The following NALF2 variants were observed in gnomAD, a reference collection of about 807,000 sequenced individuals.
NALF2 encodes NALCN channel auxiliary factor 2.
Under a neutral mutation model 24.8 loss-of-function variants are expected in NALF2, and 1 was observed. The ratio of observed to expected loss-of-function variants is 0.04; its 90% CI spans 0.01 to 0.19. The LOEUF is 0.19. Ranked by LOEUF, NALF2 falls within the 10% of genes least tolerant of loss-of-function variation. The pLI is 1.00. For missense variants in NALF2, 458 were observed against 409.6 expected, an observed-to-expected ratio of 1.12 and a Z score of -1.02; for synonymous variants, 254 against 189.8, an observed-to-expected ratio of 1.34 and a Z score of -2.78.
intron 1 of NALF2, among the ~76,000 whole-genome samples, chrX:69,511,069 G>A (rs1364992745): frequency 1.8e-5 from 2 of 109,275 alleles, no homozygotes; most frequent in African/African-American, 3.4e-5. Context: ...ATCACCCTAC[G>A]CTCTTCCTAA....
chrX:69,520,769 C>G (rs1237775754), intron 1 of NALF2, among the ~76,000 whole-genome samples: 1 of 111,940 alleles, frequency 8.9e-6, no homozygotes, highest in Non-Finnish European at 1.9e-5. Flanking sequence ...GGATCTCTCC[C>G]TCTCTCTCAT....
Position 69,531,436 on chromosome X carries a change from G to C in NALF2, c.*1480G>C, listed in dbSNP as rs1930902736. On this transcript the variant is annotated 3_prime_UTR_variant, in exon 3 of 3. Transcript: ENST00000252338. ...TGGGGAGTAGGGGGGATCCCACATT[G>C]CCTGGGACATCTGAATGCTGATACG... is the stretch of plus-strand genomic sequence containing the variant. The C allele has an allele frequency of 8.9e-6, 1 of 112,290 alleles. No homozygotes were observed. Among genetic ancestry groups the C allele is most frequent in the African/African-American group, 3.2e-5 (1 of 30,771 alleles). The allele number at this position is 112,290 out of a possible 1,213,427, so 9.3% of individuals were successfully genotyped here.
chrX:69,524,100 C>CTTT (rs1202940165), intron 1 of NALF2, among the ~76,000 whole-genome samples: 3 of 93,924 alleles, frequency 3.2e-5, no homozygotes, highest in East Asian at 3.3e-4. Context: ...TATTTTTTTT[C>CTTT]TTTTTTTTTT....
At chrX:69,511,443 T>C (rs995108929) in intron 1 of NALF2, among the ~76,000 whole-genome samples, 3 of 111,799 alleles carry the variant, frequency 2.7e-5, no homozygotes, top group African/African-American at 9.8e-5. Context: ...CTCTGCTCTC[T>C]TTCTCCCACT....
At chrX:69,529,424 T>C in intron 2 of NALF2, 147 bp from the exon 3 acceptor site, 1 of 1,006,421 alleles carries the variant, frequency 9.9e-7, no homozygotes, top group Non-Finnish European at 1.3e-6. Context: ...AAAGAAGGGC[T>C]CAGAAAGGGC....
Position 69,505,578 on chromosome X carries a change from T to TGCCGCC in NALF2, c.306_311dup (p.Pro103_Pro104dup), listed in dbSNP as rs745694479. 38 of 1,010,068 alleles carry TGCCGCC rather than the reference T, an allele frequency of 3.8e-5. No homozygotes were observed. Among genetic ancestry groups the TGCCGCC allele is most frequent in the South Asian group, 2.6e-4 (8 of 30,454 alleles). 83.2% of individuals were successfully genotyped at this position (1,010,068 alleles called of 1,213,427 possible). Reference sequence around the variant, plus strand: ...GTGCCTCCTCGCGCGGTGCTGCCGCTGCCGCCGCCGCCGCCCGGCGAGCCC... The same window carrying TGCCGCC: ...GTGCCTCCTCGCGCGGTGCTGCCGCTGCCGCCGCCGCCGCCGCCGCCCGGCGAGCCC... On this transcript the variant is annotated inframe_insertion, in exon 1 of 3. Transcript: ENST00000252338.
At chrX:69,506,355 T>A (rs142818840) in intron 1 of NALF2, among the ~76,000 whole-genome samples, 237 of 112,668 alleles carry the variant, frequency 2.1e-3, no homozygotes, top group African/African-American at 7.2e-3. Context: ...TTCTATTAAT[T>A]CCGGGTTTGG....
chrX:69,505,251 C>A lies in NALF2; in HGVS notation c.-32C>A. 8.9e-7 allele frequency: 1 copy of A among 1,124,256 alleles called. No homozygotes were observed. Among genetic ancestry groups the A allele is most frequent in the South Asian group, 2.1e-5 (1 of 48,038 alleles). The allele number at this position is 1,124,256 out of a possible 1,213,427, so 92.7% of individuals were successfully genotyped here. On this transcript the variant is annotated 5_prime_UTR_variant, in exon 1 of 3. Transcript: ENST00000252338. ...AGACGGCCGTCTGGCCTCGCGCCTG[C>A]CTGTTCCCTCCAGCCCGGACCCCCC...
At chrX:69,513,883 ACT>A (rs1245772639) in intron 1 of NALF2, among the ~76,000 whole-genome samples, 1 of 111,060 alleles carries the variant, frequency 9.0e-6, no homozygotes, top group Non-Finnish European at 1.9e-5. Flanking sequence ...CCAAACAGAA[ACT>A]CTGTGCCCAT....
At chrX:69,514,092 A>AGAG (rs942817776) in intron 1 of NALF2, among the ~76,000 whole-genome samples, 2 of 109,994 alleles carry the variant, frequency 1.8e-5, no homozygotes, top group African/African-American at 3.3e-5. Flanking sequence ...ACTCGGGGTG[A>AGAG]GACAGGAGAA....
intron 2 of NALF2, 140 bp from the exon 3 acceptor site, chrX:69,529,431 G>T: frequency 9.8e-7 from 1 of 1,019,334 alleles, no homozygotes; most frequent in South Asian, 2.5e-5. Context: ...GGCTCAGAAA[G>T]GGCAAGTGTC....
chrX:69,519,720 G>A (rs1453688553), intron 1 of NALF2, among the ~76,000 whole-genome samples: 4 of 112,307 alleles, frequency 3.6e-5, no homozygotes, highest in Non-Finnish European at 7.5e-5. Flanking sequence ...GAACAACCAG[G>A]CTAACAGAGG....
intron 1 of NALF2, among the ~76,000 whole-genome samples, chrX:69,509,589 C>G (rs1416397159): frequency 1.8e-5 from 2 of 111,162 alleles, no homozygotes; most frequent in African/African-American, 6.6e-5. Flanking sequence ...TAGTTCTGCT[C>G]TATTCCAGAC....
rs1930481473 is a variant in NALF2 at position 69,506,119 on chromosome X, C to T, written c.837C>T (p.Ile279=). 2 of 1,207,028 alleles carry T rather than the reference C, an allele frequency of 1.7e-6. No individual in the cohort carries two copies. Among genetic ancestry groups the T allele is most frequent in the East Asian group, 3.0e-5 (1 of 33,721 alleles). ...HKYLQAEEYS[I]RSCTKGCKAV... ...ACTTACAGGCGGAAGAGTACTCAAT[C>T]CGGTCCTGCACGAAAGGCTGTAAGG... Residue 279 remains isoleucine (I), a synonymous_variant, in exon 1 of 3, where the codon ATC becomes ATT. Coordinates refer to ENST00000252338, the MANE Select transcript of NALF2 (RefSeq NM_015686.3).
In NALF2 at chrX:69,504,620, C is replaced by T. The variant is rs918410734; in HGVS notation, c.-663C>T. 5.3e-5 allele frequency among the ~76,000 whole-genome samples: 6 copies of T among 112,913 alleles called. No individual in the cohort carries two copies. The Admixed American group carries it at 5.5e-4, about 10-fold the overall frequency. On this transcript the variant is annotated 5_prime_UTR_variant, in exon 1 of 3. Transcript: ENST00000252338. ...GCCGGAACTCCAGGAGCAGCGGGTG[C>T]GGAGCCAGAGCGGAGCCCGCCAGGG... is the stretch of plus-strand genomic sequence containing the variant.
At chrX:69,519,351 C>T (rs2147714568) in intron 1 of NALF2, among the ~76,000 whole-genome samples, 1 of 112,017 alleles carries the variant, frequency 8.9e-6, no homozygotes, top group South Asian at 3.7e-4. Context: ...TACCCAGCTC[C>T]ATGTGAGGCC....
intron 1 of NALF2, among the ~76,000 whole-genome samples, chrX:69,528,459 C>A (rs1930840797): frequency 8.9e-6 from 1 of 111,794 alleles, no homozygotes; most frequent in Non-Finnish European, 1.9e-5. Flanking sequence ...CATTACACTT[C>A]AGAGTTTACA....
At position 69,508,434 on chromosome X, in the gene NALF2, TC is replaced by T. The variant is rs77870687; in HGVS notation, c.861+2293del. Among the ~76,000 whole-genome samples, 3,016 of 110,803 alleles carry T rather than the reference TC, an allele frequency of 0.027. 137 individuals carry two copies. In the East Asian group the frequency reaches 0.32, roughly 12 times the overall value. On this transcript the variant is annotated intron_variant, in intron 1 of 2. Coordinates refer to ENST00000252338, the MANE Select transcript of NALF2 (RefSeq NM_015686.3). ...CTTTTGCCATGGCCTCACATCAAGTTCCTGATGGCCCTCCCTCCTCTCCTTT... is the reference window on the plus strand; with the variant it reads ...CTTTTGCCATGGCCTCACATCAAGTTCTGATGGCCCTCCCTCCTCTCCTTT...
At chrX:69,519,329 C>T (rs1006862543) in intron 1 of NALF2, among the ~76,000 whole-genome samples, 2 of 112,052 alleles carry the variant, frequency 1.8e-5, no homozygotes, top group Non-Finnish European at 3.8e-5. Flanking sequence ...GTGTATACCT[C>T]CTCCACTTGT....
Sources: gnomAD v4.1 joint callset for allele counts (sites outside exome capture counted in the v4.1 genomes callset) on GRCh38, gnomAD v4.1.1 for gene constraint, MANE v1.5 for transcripts, NCBI Gene and HGNC (gene_info 2026-07-23, HGNC 2026-07-21) for gene names.